The following TMEM232 variants were observed in gnomAD, a reference collection of about 807,000 sequenced individuals.
TMEM232 encodes transmembrane protein 232.
Under a neutral mutation model 78.8 loss-of-function variants are expected in TMEM232, and 80 were observed. The ratio of observed to expected loss-of-function variants is 1.01; its 90% CI spans 0.85 to 1.22. TMEM232 has a LOEUF of 1.22. Ranked by LOEUF, TMEM232 falls within the 50% of genes most tolerant of loss-of-function variation. TMEM232 has a pLI of 0.00. For missense variants in TMEM232, 881 were observed against 742.2 expected (o/e 1.19, Z -2.17); for synonymous variants, 297 against 254.3 (o/e 1.17, Z -1.60).
Position 110,630,475 on chromosome 5 carries a change from GA to G in TMEM232, c.502-2596del, listed in dbSNP as rs372205184. On this transcript the variant is annotated intron_variant, in intron 5 of 13. Coordinates refer to ENST00000455884, the MANE Select transcript of TMEM232 (RefSeq NM_001039763.4). The stretch of plus-strand genomic sequence containing the variant: ...ACATGTCGGGGGAGGGGCCCAGTGA[GA>G]GGTGACTGGATCACGGAGGTGGACT... Among the ~76,000 whole-genome samples the G allele has an allele frequency of 3.1e-3, 473 of 152,292 alleles. 1 individual carries two copies. Among genetic ancestry groups the G allele is most frequent in the African/African-American group, 0.011 (457 of 41,566 alleles).
chr5:110,655,256 G>A (rs1375513611), intron 2 of TMEM232, among the ~76,000 whole-genome samples: 1 of 151,540 alleles, frequency 6.6e-6, no homozygotes, highest in African/African-American at 2.4e-5. Context: ...GATATGAACA[G>A]ACACTTCTCA....
At chr5:110,628,862 T>C (rs1392243682) in intron 5 of TMEM232, 3 of 152,152 alleles carry the variant, frequency 2.0e-5, no homozygotes, top group African/African-American at 7.2e-5. Context: ...GGAATGTATG[T>C]ATTGCTCCAA....
At chr5:110,484,344 A>G (rs1005680001) in intron 12 of TMEM232, among the ~76,000 whole-genome samples, 1 of 152,146 alleles carries the variant, frequency 6.6e-6, no homozygotes, top group African/African-American at 2.4e-5. Context: ...TCGAAAAAAT[A>G]TAATGTTTAA....
At chr5:110,574,099 T>C (rs1174963093) in intron 10 of TMEM232, among the ~76,000 whole-genome samples, 1 of 152,060 alleles carries the variant, frequency 6.6e-6, no homozygotes, top group Non-Finnish European at 1.5e-5. Context: ...CATTCCTCTC[T>C]CAATAGAATA....
rs11454377 is a variant in TMEM232, at chr5:110,424,803, T to TA, written c.1797+19dup. ...AAGGAACAAAGCTTTTGCTGCTAGT[T>TA]AAAAAAAAATCAATCTTACGTGATG... On this transcript the variant is annotated intron_variant, in intron 13 of 13. Coordinates refer to ENST00000455884, the MANE Select transcript of TMEM232 (RefSeq NM_001039763.4). The TA allele has an allele frequency of 0.066, 99,512 of 1,508,300 alleles. 3,536 individuals carry two copies. Among genetic ancestry groups the TA allele is most frequent in the African/African-American group, 0.16 (11,492 of 71,518 alleles). The allele number at this position is 1,508,300 out of a possible 1,614,324, so 93.4% of individuals were successfully genotyped here. A position where few individuals can be genotyped will look rare whatever the true frequency, so the allele number is the denominator to read the frequency against.
chr5:110,393,221 T>C (rs1004381562), intron 3 of TMEM232, among the ~76,000 whole-genome samples: 1 of 152,352 alleles, frequency 6.6e-6, no homozygotes, highest in Non-Finnish European at 1.5e-5. Flanking sequence ...TTACAGATTT[T>C]CTGTCTACTT....
rs546868610 is a variant in TMEM232 at position 110,425,770 on chromosome 5, T to C, written c.1704-854A>G. ...ATCTCTCACCTGGATGAAGGCTTCA[T>C]GTTCAGAATTCCTGCATCCATCATT... On this transcript the variant is annotated intron_variant, in intron 12 of 13. Transcript: ENST00000455884. 1.3e-3 allele frequency among the ~76,000 whole-genome samples: 200 copies of C among 152,212 alleles called. 1 individual carries two copies. The highest frequency in any genetic ancestry group is 1.1e-3 in the Non-Finnish European group (74 of 67,968).
intron 10 of TMEM232, among the ~76,000 whole-genome samples, chr5:110,588,851 G>A (rs928534502): frequency 1.3e-5 from 2 of 152,052 alleles, no homozygotes; most frequent in South Asian, 2.1e-4. Flanking sequence ...AGAAGACTTA[G>A]TACTCTGAGA....
chr5:110,682,341 CT>C (rs2150186058), intron 1 of TMEM232, among the ~76,000 whole-genome samples: 1 of 152,052 alleles, frequency 6.6e-6, no homozygotes, highest in Non-Finnish European at 1.5e-5. Context: ...ATTGCTCTCC[CT>C]TTAAAATAAG....
chr5:110,594,290 T>C (rs909060321), intron 10 of TMEM232, among the ~76,000 whole-genome samples: 4 of 152,074 alleles, frequency 2.6e-5, no homozygotes, highest in Non-Finnish European at 5.9e-5. Flanking sequence ...ACTACATTTT[T>C]CCCATGGTTT....
At chr5:110,681,621 A>C (rs1192666027) in intron 1 of TMEM232, among the ~76,000 whole-genome samples, 1 of 152,208 alleles carries the variant, frequency 6.6e-6, no homozygotes, top group East Asian at 1.9e-4. Flanking sequence ...GTTGGACCTA[A>C]ATTCTCAAAG....
chr5:110,587,965 A>G (rs978283883), intron 10 of TMEM232, among the ~76,000 whole-genome samples: 3 of 151,632 alleles, frequency 2.0e-5, no homozygotes, highest in Admixed American at 1.3e-4. Context: ...ATATTTTTTT[A>G]AAGAGTAAAA....
intron 12 of TMEM232, among the ~76,000 whole-genome samples, chr5:110,500,067 G>A (rs897862126): frequency 1.3e-5 from 2 of 152,042 alleles, no homozygotes. Context: ...TGAGGCGGGT[G>A]GGACACCTAA....
At chr5:110,688,528 C>T (rs933745296) in intron 1 of TMEM232, among the ~76,000 whole-genome samples, 2 of 152,106 alleles carry the variant, frequency 1.3e-5, no homozygotes, top group African/African-American at 4.8e-5. Context: ...GGGCCTTGTG[C>T]CTTAGGAGAC....
At chr5:110,587,665 A>ATG (rs1778980211) in intron 10 of TMEM232, among the ~76,000 whole-genome samples, 8 of 86,176 alleles carry the variant, frequency 9.3e-5, no homozygotes, top group Non-Finnish European at 1.3e-4. Context: ...ACATGTATGT[A>ATG]TATATATATA....
upstream of TMEM232, among the ~76,000 whole-genome samples, chr5:110,738,535 CAT>C: frequency 6.6e-6 from 1 of 152,124 alleles, no homozygotes; most frequent in Non-Finnish European, 1.5e-5. Flanking sequence ...TGGGCGGTAC[CAT>C]ATCTCTCAAT....
intron 12 of TMEM232, among the ~76,000 whole-genome samples, chr5:110,512,116 T>C (rs1338122433): frequency 6.6e-6 from 1 of 152,172 alleles, no homozygotes; most frequent in African/African-American, 2.4e-5. Flanking sequence ...TTTAATACAT[T>C]TTTTGTGTAA....
At chr5:110,463,913 C>T (rs1761805427) in intron 12 of TMEM232, among the ~76,000 whole-genome samples, 1 of 152,206 alleles carries the variant, frequency 6.6e-6, no homozygotes, top group East Asian at 1.9e-4. Flanking sequence ...CTTACACAGG[C>T]CAGGCTGAAT....
intron 2 of TMEM232, among the ~76,000 whole-genome samples, chr5:110,653,290 T>A (rs982223748): frequency 6.6e-6 from 1 of 152,232 alleles, no homozygotes; most frequent in Non-Finnish European, 1.5e-5. Context: ...AATCACTTAA[T>A]CTGTGGGAGC....
Sources: allele counts gnomAD v4.1 joint callset (sites outside exome capture counted in the v4.1 genomes callset), GRCh38; gene constraint gnomAD v4.1.1; transcripts MANE v1.5; gene names NCBI Gene and HGNC (gene_info 2026-07-23, HGNC 2026-07-21).